MYO3B: variants seen among roughly 807,000 people sequenced by gnomAD.
The protein encoded by MYO3B is myosin-IIIb.
In MYO3B, 156 loss-of-function variants were observed where a neutral mutation model predicts 174.6. The observed-to-expected ratio is 0.89, with a 90% confidence interval of 0.78 to 1.02. The LOEUF is 1.02. MYO3B is among the 50% of genes least tolerant of loss of function. The pLI is 0.00. For missense variants in MYO3B, 1,632 were observed against 1,639.4 expected (o/e 1.00, Z 0.08); for synonymous variants, 563 against 569.1 (o/e 0.99, Z 0.15).
At chr2:170,391,281 C>A (rs1378933002) in intron 14 of MYO3B, among the ~76,000 whole-genome samples, 1 of 152,158 alleles carries the variant, frequency 6.6e-6, no homozygotes, top group African/African-American at 2.4e-5. Flanking sequence ...GAGCTGTTTC[C>A]TGTAAATGTC....
At chr2:170,485,439 A>AGC (rs1685987619) in intron 25 of MYO3B, among the ~76,000 whole-genome samples, 1 of 151,404 alleles carries the variant, frequency 6.6e-6, no homozygotes, top group Non-Finnish European at 1.5e-5. Context: ...AGAGAGAGAG[A>AGC]GAGAGCGAGT....
rs554098891 is a variant in MYO3B, at chr2:170,585,790, G to A, written c.3733+41802G>A. On this transcript the variant is annotated intron_variant, in intron 32 of 34. Transcript: ENST00000408978. Reference sequence around the variant, plus strand: ...ACAGTGGCCAGGCGTGGTGGCTCACGCCTGTAATCCCAGCACTTTAGGAGG... The same window carrying A: ...ACAGTGGCCAGGCGTGGTGGCTCACACCTGTAATCCCAGCACTTTAGGAGG... Among the ~76,000 whole-genome samples the A allele has an allele frequency of 1.8e-4, 28 of 152,292 alleles. 1 individual carries two copies. Among genetic ancestry groups the A allele is most frequent in the African/African-American group, 6.0e-4 (25 of 41,562 alleles).
chr2:170,322,166 C>T (rs1179323283), intron 7 of MYO3B, among the ~76,000 whole-genome samples: 1 of 151,348 alleles, frequency 6.6e-6, no homozygotes, highest in Non-Finnish European at 1.5e-5. Flanking sequence ...ACAGTTCCTC[C>T]ACCTTCACCC....
chr2:170,349,803 AAAAAAAAAAAG>A (rs1474930462), intron 8 of MYO3B: 1 of 152,000 alleles, frequency 6.6e-6, no homozygotes, highest in East Asian at 1.9e-4. Context: ...GTCTCAAAAA[AAAAAAAAAAAG>A]AAAGAAAGAA....
At chr2:170,578,917 T>C (rs1692963827) in intron 32 of MYO3B, among the ~76,000 whole-genome samples, 1 of 152,210 alleles carries the variant, frequency 6.6e-6, no homozygotes, top group Non-Finnish European at 1.5e-5. Context: ...TACTGAAATT[T>C]TGTATAGTCT....
chr2:170,574,574 A>C (rs1201342578), intron 32 of MYO3B, among the ~76,000 whole-genome samples: 1 of 152,206 alleles, frequency 6.6e-6, no homozygotes. Flanking sequence ...ACATGGATCT[A>C]ATTTTAAGAA....
At chr2:170,450,181 T>C (rs1683513372) in intron 23 of MYO3B, among the ~76,000 whole-genome samples, 1 of 152,204 alleles carries the variant, frequency 6.6e-6, no homozygotes, top group African/African-American at 2.4e-5. Context: ...ACAAATAACA[T>C]ATTTATAAAA....
chr2:170,516,380 G>A (rs982748371), intron 29 of MYO3B, among the ~76,000 whole-genome samples: 7 of 151,724 alleles, frequency 4.6e-5, no homozygotes, highest in East Asian at 3.9e-4. Context: ...GGTGGCTCAC[G>A]CCTGTAATCC....
chr2:170,430,006 A>G (rs900298664), intron 22 of MYO3B, among the ~76,000 whole-genome samples: 1 of 126,130 alleles, frequency 7.9e-6, no homozygotes, highest in Admixed American at 8.0e-5. Context: ...CCACTTATAC[A>G]CAGGTTTTTT....
chr2:170,569,853 T>A (rs1198788216), intron 32 of MYO3B, among the ~76,000 whole-genome samples: 1 of 141,304 alleles, frequency 7.1e-6, no homozygotes, highest in Admixed American at 7.2e-5. Flanking sequence ...AGAGCAAGGC[T>A]CTATCTCGAA....
At chr2:170,442,410 G>A (rs115433646) in intron 22 of MYO3B, among the ~76,000 whole-genome samples, 1,636 of 151,144 alleles carry the variant, frequency 0.011, 34 homozygotes, top group African/African-American at 0.038. Flanking sequence ...TGCCCTTTGA[G>A]TATCTTCTTC....
chr2:170,387,016 T>G (rs2094380822), intron 13 of MYO3B, 90 bp from the exon 14 acceptor site: 1 of 1,267,300 alleles, frequency 7.9e-7, no homozygotes, highest in South Asian at 1.3e-5. Context: ...AAAGACCATG[T>G]GGATTTTGGT....
chr2:170,561,955 TA>T (rs753827880), intron 32 of MYO3B, among the ~76,000 whole-genome samples: 3 of 151,270 alleles, frequency 2.0e-5, no homozygotes, highest in African/African-American at 4.9e-5. Flanking sequence ...TTGATTCCTT[TA>T]AAAAAAAACC....
intron 32 of MYO3B, among the ~76,000 whole-genome samples, chr2:170,563,031 TAC>T (rs56861648): frequency 0.018 from 2,431 of 138,608 alleles, 15 homozygotes; most frequent in African/African-American, 0.027. Flanking sequence ...AAAACATGCA[TAC>T]ACACACACAC....
chr2:170,645,182 A>G (rs1276025084), intron 32 of MYO3B, among the ~76,000 whole-genome samples: 3 of 152,146 alleles, frequency 2.0e-5, no homozygotes, highest in Non-Finnish European at 2.9e-5. Flanking sequence ...TCTAATGTGA[A>G]TATTCAGGCC....
Position 170,400,239 on chromosome 2 carries a change from A to T in MYO3B, c.1843A>T (p.Ile615Phe). 1 of 1,613,856 alleles carries T rather than the reference A, an allele frequency of 6.2e-7. No homozygotes were observed. Among genetic ancestry groups the T allele is most frequent in the East Asian group, 2.2e-5 (1 of 44,888 alleles). Residue 615 changes from isoleucine to phenylalanine, a missense_variant, in exon 17 of 35, where the codon ATT becomes TTT. Transcript: ENST00000408978. ...ILAGILNIGN[I>F]EFAAISSQHQ... ...GGCTGGGATTTTGAATATTGGGAAC[A>T]TTGAGTTCGCAGCTATTTCCTCTCA...
intron 23 of MYO3B, among the ~76,000 whole-genome samples, chr2:170,461,404 T>G (rs1324776146): frequency 8.0e-6 from 1 of 124,284 alleles, no homozygotes; most frequent in East Asian, 2.3e-4. Flanking sequence ...ACCCCAGAGG[T>G]GGAGGTTGCA....
chr2:170,497,032 C>A (rs6725059), intron 25 of MYO3B, among the ~76,000 whole-genome samples: 149,864 of 152,246 alleles, frequency 0.98, 73,802 homozygotes, highest in East Asian at 1. Flanking sequence ...ACACCACCCC[C>A]AAATATGGCA....
At chr2:170,361,842 G>A (rs984736213) in intron 8 of MYO3B, among the ~76,000 whole-genome samples, 1 of 152,128 alleles carries the variant, frequency 6.6e-6, no homozygotes, top group African/African-American at 2.4e-5. Flanking sequence ...TCCTCACTGT[G>A]GCTCTCCACT....
Sources: gnomAD v4.1 joint callset for allele counts (sites outside exome capture counted in the v4.1 genomes callset) on GRCh38, gnomAD v4.1.1 for gene constraint, MANE v1.5 for transcripts, NCBI Gene and HGNC (gene_info 2026-07-23, HGNC 2026-07-21) for gene names.